Variants in VPS13B observed in about 807,000 individuals in gnomAD.
VPS13B encodes the protein vacuolar protein sorting 13 homolog B.
In VPS13B, 285 loss-of-function variants were observed where a neutral mutation model predicts 426.4. The observed-to-expected ratio is 0.67, with a 90% CI of 0.61 to 0.74. The LOEUF is 0.74. Among genes scored for constraint, VPS13B ranks in the 30% least tolerant of loss-of-function variants. The probability of loss-of-function intolerance (pLI) is 0.00; values close to 1 mark genes in which losing one functional copy is unlikely to be tolerated. For synonymous variants in VPS13B, 1,676 were observed against 1,676.4 expected, an observed-to-expected ratio of 1.00 and a Z score of 0.01; for missense variants, 4,537 against 4,782.6, an observed-to-expected ratio of 0.95 and a Z score of 1.51.
At chr8:99,277,465 T>C (rs1818957616) in intron 19 of VPS13B, among the ~76,000 whole-genome samples, 1 of 152,174 alleles carries the variant, frequency 6.6e-6, no homozygotes. Context: ...TATGTTCTTG[T>C]AACAAGATTT....
chr8:99,229,812 A>G (rs1816228318), intron 17 of VPS13B, among the ~76,000 whole-genome samples: 1 of 152,190 alleles, frequency 6.6e-6, no homozygotes. Context: ...ATTTTATTCA[A>G]ATAGCATTGG....
intron 16 of VPS13B, among the ~76,000 whole-genome samples, chr8:99,179,515 A>G (rs572915144): frequency 6.6e-6 from 1 of 152,202 alleles, no homozygotes; most frequent in East Asian, 1.9e-4. Context: ...TTGTTTTACT[A>G]TTCTGTATCC....
intron 39 of VPS13B, among the ~76,000 whole-genome samples, chr8:99,744,365 G>T (rs1809950987): frequency 6.6e-6 from 1 of 152,290 alleles, no homozygotes; most frequent in South Asian, 2.1e-4. Context: ...CTTTTACACT[G>T]TTGGTGGGAC....
intron 25 of VPS13B, among the ~76,000 whole-genome samples, chr8:99,498,308 A>G (rs1298939221): frequency 1.3e-5 from 2 of 152,106 alleles, no homozygotes; most frequent in African/African-American, 4.8e-5. Flanking sequence ...CTATTAAAAC[A>G]TTGTTTTTCT....
At chr8:99,556,388 A>G in intron 30 of VPS13B, 62 bp from the exon 31 acceptor site, 1 of 1,539,954 alleles carries the variant, frequency 6.5e-7, no homozygotes, top group South Asian at 1.2e-5. Flanking sequence ...CAAAATAAAC[A>G]TAGAATGGTT....
Position 99,853,922 on chromosome 8 carries a change from A to AT in VPS13B, c.10536dup (p.Val3513CysfsTer9). 1 of 1,614,264 alleles carries AT rather than the reference A, an allele frequency of 6.2e-7. No individual in the cohort carries two copies. The highest frequency in any genetic ancestry group is 1.1e-5 in the South Asian group (1 of 91,084). ...CTGCTCGGTTATACGTGGAAGACAC[A>AT]TTTGTATACTACATCAAGACTTTGT... On this transcript the variant is annotated frameshift_variant, in exon 56 of 62. Transcript: ENST00000357162. LOFTEE classifies it high-confidence loss of function.
At chr8:99,558,068 C>T (rs1436481949) in intron 31 of VPS13B, among the ~76,000 whole-genome samples, 1 of 152,082 alleles carries the variant, frequency 6.6e-6, no homozygotes, top group Non-Finnish European at 1.5e-5. Flanking sequence ...TTAGGTTCTG[C>T]CCTTTTCTAC....
chr8:99,670,880 C>T lies in VPS13B; in HGVS notation c.6046+9389C>T, dbSNP rs117639491. Among the ~76,000 whole-genome samples the T allele has an allele frequency of 9.9e-3, 1,513 of 152,192 alleles. 9 individuals carry two copies. The highest frequency in any genetic ancestry group is 0.016 in the Non-Finnish European group (1,058 of 67,964). On this transcript the variant is annotated intron_variant, in intron 35 of 61. Transcript: ENST00000357162. ...TACCACATTTTCATCCTCTGTTCAT[C>T]CACTGATGAATACTTAGGTTGATTC...
At chr8:99,049,833 T>C (rs1485240883) in intron 3 of VPS13B, among the ~76,000 whole-genome samples, 1 of 151,842 alleles carries the variant, frequency 6.6e-6, no homozygotes, top group Non-Finnish European at 1.5e-5. Flanking sequence ...TTTAACATAA[T>C]CCCAGACTTC....
At chr8:99,166,043 G>A (rs1313661769) in intron 15 of VPS13B, among the ~76,000 whole-genome samples, 5 of 152,102 alleles carry the variant, frequency 3.3e-5, no homozygotes, top group African/African-American at 9.7e-5. Flanking sequence ...GCAATGGCAC[G>A]ATCTTGGCTC....
intron 14 of VPS13B, among the ~76,000 whole-genome samples, chr8:99,150,692 CT>C (rs1419305661): frequency 6.6e-6 from 1 of 152,156 alleles, no homozygotes; most frequent in Non-Finnish European, 1.5e-5. Flanking sequence ...TAAGTTTCCT[CT>C]TTGGCTTTTC....
chr8:99,283,027 CACTCT>C (rs1477514858), intron 19 of VPS13B, among the ~76,000 whole-genome samples: 1 of 152,124 alleles, frequency 6.6e-6, no homozygotes, highest in Non-Finnish European at 1.5e-5. Context: ...CAAACAGACA[CACTCT>C]TTTGGTTCAC....
intron 17 of VPS13B, among the ~76,000 whole-genome samples, chr8:99,214,238 G>A (rs2132807908): frequency 6.6e-6 from 1 of 152,212 alleles, no homozygotes; most frequent in South Asian, 2.1e-4. Flanking sequence ...ATTATTGTCT[G>A]TGACTACATT....
intron 33 of VPS13B, among the ~76,000 whole-genome samples, chr8:99,578,109 T>G (rs1368570051): frequency 6.6e-6 from 1 of 152,208 alleles, no homozygotes; most frequent in African/African-American, 2.4e-5. Context: ...GCCTAGAATT[T>G]TAATTTTGAT....
intron 55 of VPS13B, among the ~76,000 whole-genome samples, chr8:99,851,566 C>T (rs1301342653): frequency 4.6e-5 from 7 of 152,116 alleles, no homozygotes; most frequent in Middle Eastern, 3.4e-3. Flanking sequence ...GATGTTTGGG[C>T]GGAGACTGGA....
At chr8:99,575,612 T>G in intron 31 of VPS13B, 46 bp from the exon 32 acceptor site, 2 of 1,612,048 alleles carry the variant, frequency 1.2e-6, no homozygotes, top group Non-Finnish European at 8.5e-7. Flanking sequence ...GAAAATTGTC[T>G]TTGAAAATAA....
chr8:99,121,284 G>A lies in VPS13B; in HGVS notation c.1045G>A (p.Ala349Thr). The change falls in exon 8 of 62, where the codon GCC becomes ACC. Residue 349 changes from alanine (A) to threonine (T), a missense_variant. Ala to Thr is a moderately conservative substitution (Grantham distance 58, BLOSUM62 0). Transcript: ENST00000357162. ...EEQPQGWVSW[A>T]WSFVPAIVSY... The stretch of plus-strand genomic sequence containing the variant: ...GCAGCCACAGGGATGGGTGTCATGG[G>A]CCTGGTCCTTTGTGCCTGCAATTGT... 1 of 1,614,164 alleles carries A rather than the reference G, an allele frequency of 6.2e-7. No homozygotes were observed. Among genetic ancestry groups the A allele is most frequent in the Non-Finnish European group, 8.5e-7 (1 of 1,180,022 alleles).
At chr8:99,015,421 T>G (rs536270640) in intron 2 of VPS13B, among the ~76,000 whole-genome samples, 1 of 151,310 alleles carries the variant, frequency 6.6e-6, no homozygotes, top group East Asian at 2.0e-4. Context: ...TTTCACCGTG[T>G]TAGCCAGGAT....
chr8:99,466,843 A>G (rs1819134949), intron 23 of VPS13B, among the ~76,000 whole-genome samples: 2 of 152,136 alleles, frequency 1.3e-5, no homozygotes, highest in African/African-American at 4.8e-5. Flanking sequence ...AACAGACCAT[A>G]TTAGATTGTT....
Sources: allele counts gnomAD v4.1 joint callset (sites outside exome capture counted in the v4.1 genomes callset), GRCh38; gene constraint gnomAD v4.1.1; transcripts MANE v1.5; gene names NCBI Gene and HGNC (gene_info 2026-07-23, HGNC 2026-07-21).